The following RIPOR2 variants were observed in gnomAD, a reference collection of about 807,000 sequenced individuals.
The protein encoded by RIPOR2 is RHO family interacting cell polarization regulator 2.
RIPOR2 carries 39 observed loss-of-function variants against 114.5 expected under a neutral mutation model. The observed-to-expected ratio is 0.34, with a 90% CI of 0.26 to 0.44. The LOEUF (loss-of-function observed/expected upper bound fraction) is 0.44. RIPOR2 is among the 20% of genes least tolerant of loss of function. RIPOR2 has a pLI of 1.00. For synonymous variants in RIPOR2, 445 were observed against 484.4 expected, an observed-to-expected ratio of 0.92 and a Z score of 1.07; for missense variants, 1,007 against 1,255.1, an observed-to-expected ratio of 0.80 and a Z score of 2.99.
intron 1 of RIPOR2, among the ~76,000 whole-genome samples, chr6:24,877,642 C>A (rs1015183000): frequency 3.3e-5 from 5 of 152,160 alleles, no homozygotes; most frequent in African/African-American, 1.2e-4. Context: ...TTTGATGCCA[C>A]AAGGAAATAG....
intron 1 of RIPOR2, among the ~76,000 whole-genome samples, chr6:25,041,439 A>T (rs981693551): frequency 2.4e-4 from 36 of 152,346 alleles, no homozygotes; most frequent in Admixed American, 2.3e-3. Context: ...ATTTCACCTC[A>T]TCTAGCGACA....
At chr6:24,933,960 C>G (rs1221155588) in intron 1 of RIPOR2, among the ~76,000 whole-genome samples, 5 of 152,174 alleles carry the variant, frequency 3.3e-5, no homozygotes, top group African/African-American at 9.6e-5. Context: ...ACAGGTTCAT[C>G]CAGCCCTGCT....
intron 19 of RIPOR2, among the ~76,000 whole-genome samples, chr6:24,822,773 G>A (rs1759814838): frequency 6.6e-6 from 1 of 152,236 alleles, no homozygotes; most frequent in Admixed American, 6.5e-5. Flanking sequence ...ACCCGCCTCG[G>A]CTTCCCAAAG....
rs1561848668 is a variant in RIPOR2 at position 25,022,531 on chromosome 6, C to CTTTTTTTTTTTTTTTTTTT, written c.76+19319_76+19320insAAAAAAAAAAAAAAAAAAA. 2.8e-3 allele frequency among the ~76,000 whole-genome samples: 183 copies of CTTTTTTTTTTTTTTTTTTT among 64,506 alleles called. 28 individuals carry two copies. Among genetic ancestry groups the CTTTTTTTTTTTTTTTTTTT allele is most frequent in the Middle Eastern group, 0.012 (1 of 86 alleles). The allele number at this position is 64,506 out of a possible 152,430, so 42.3% of individuals were successfully genotyped here. On this transcript the variant is annotated intron_variant, in intron 1 of 13. Transcript: ENST00000510784. The stretch of plus-strand genomic sequence containing the variant: ...CACATATAACTAATGTGGTACCTTC[C>CTTTTTTTTTTTTTTTTTTT]ATTTTTTTTTTTTTTTTTTTTTTTT...
intron 1 of RIPOR2, among the ~76,000 whole-genome samples, chr6:25,000,980 CTG>C (rs1775285243): frequency 1.3e-5 from 2 of 152,200 alleles, no homozygotes; most frequent in Non-Finnish European, 2.9e-5. Context: ...AGGAAAGGGG[CTG>C]CGGACCTCGA....
chr6:25,027,840 A>G (rs1776705534), intron 1 of RIPOR2, among the ~76,000 whole-genome samples: 1 of 152,214 alleles, frequency 6.6e-6, no homozygotes, highest in Non-Finnish European at 1.5e-5. Flanking sequence ...GGCATCACCG[A>G]ACAGGAATCC....
intron 1 of RIPOR2, among the ~76,000 whole-genome samples, chr6:25,030,263 A>T (rs1231078063): frequency 3.9e-5 from 6 of 152,118 alleles, no homozygotes; most frequent in African/African-American, 1.4e-4. Context: ...AATCATAATC[A>T]TTTACTGCTG....
At chr6:24,807,195 G>A (rs1459704535) in intron 21 of RIPOR2, among the ~76,000 whole-genome samples, 8 of 151,716 alleles carry the variant, frequency 5.3e-5, no homozygotes. Context: ...AGCTGGGTGT[G>A]GTGGCTCACA....
chr6:24,860,815 G>A (rs1186224898), intron 8 of RIPOR2, among the ~76,000 whole-genome samples, 158 bp downstream of exon 8: 1 of 152,192 alleles, frequency 6.6e-6, no homozygotes, highest in Admixed American at 6.5e-5. Context: ...GCCTCAGGAT[G>A]AGAAGCATCA....
At chr6:24,977,375 C>G (rs1348542622) in intron 1 of RIPOR2, among the ~76,000 whole-genome samples, 6 of 151,222 alleles carry the variant, frequency 4.0e-5, no homozygotes, top group African/African-American at 1.2e-4. Context: ...ATGTGTCCCC[C>G]CTTCCCTTTT....
intron 1 of RIPOR2, among the ~76,000 whole-genome samples, chr6:24,994,469 G>T (rs528633682): frequency 6.6e-6 from 1 of 152,306 alleles, no homozygotes; most frequent in Non-Finnish European, 1.5e-5. Flanking sequence ...AAAGCCATTT[G>T]CAGGTAAAGT....
intron 1 of RIPOR2, among the ~76,000 whole-genome samples, chr6:24,942,315 T>C (rs1772177979): frequency 6.6e-6 from 1 of 152,214 alleles, no homozygotes; most frequent in Admixed American, 6.5e-5. Flanking sequence ...TTTTAAATAA[T>C]AATTTATTAC....
At chr6:24,821,462 GC>G (rs759633460) in intron 19 of RIPOR2, among the ~76,000 whole-genome samples, 3 of 152,242 alleles carry the variant, frequency 2.0e-5, no homozygotes, top group Non-Finnish European at 4.4e-5. Flanking sequence ...GGGATTACAG[GC>G]GTGAGCCACA....
intron 1 of RIPOR2, among the ~76,000 whole-genome samples, chr6:24,949,125 A>G (rs1415946280): frequency 6.6e-6 from 1 of 152,174 alleles, no homozygotes; most frequent in Non-Finnish European, 1.5e-5. Context: ...AACAATTTGA[A>G]AAGCGCCACC....
chr6:24,959,634 G>C (rs1254974447), intron 1 of RIPOR2, among the ~76,000 whole-genome samples: 1 of 152,132 alleles, frequency 6.6e-6, no homozygotes, highest in South Asian at 2.1e-4. Flanking sequence ...AAATGCTTCT[G>C]TCCTCATCAC....
intron 1 of RIPOR2, among the ~76,000 whole-genome samples, chr6:24,880,571 G>A (rs1331589348): frequency 6.6e-6 from 1 of 152,124 alleles, no homozygotes; most frequent in Non-Finnish European, 1.5e-5. Context: ...CAGACATTTG[G>A]AGTTGCCTAG....
intron 1 of RIPOR2, among the ~76,000 whole-genome samples, chr6:24,919,819 TC>T (rs1770342629): frequency 6.6e-6 from 1 of 152,170 alleles, no homozygotes; most frequent in Non-Finnish European, 1.5e-5. Context: ...GCATTTCATA[TC>T]CTAATTCACA....
chr6:24,977,917 T>C (rs139131879), intron 1 of RIPOR2, among the ~76,000 whole-genome samples: 1 of 152,100 alleles, frequency 6.6e-6, no homozygotes, highest in Non-Finnish European at 1.5e-5. Flanking sequence ...TGAATGTCAG[T>C]CAAAACTCCA....
intron 14 of RIPOR2, among the ~76,000 whole-genome samples, chr6:24,837,345 A>G (rs1225778832): frequency 2.0e-5 from 3 of 151,390 alleles, no homozygotes; most frequent in Non-Finnish European, 4.4e-5. Flanking sequence ...CTGGTCTCGA[A>G]CTCTGACCTC....
Sources: allele counts gnomAD v4.1 joint callset (sites outside exome capture counted in the v4.1 genomes callset), GRCh38; gene constraint gnomAD v4.1.1; transcripts MANE v1.5; gene names NCBI Gene and HGNC (gene_info 2026-07-23, HGNC 2026-07-21).